Variants in MBD5 observed in about 807,000 individuals in gnomAD.
MBD5 encodes methyl-CpG binding domain protein 5.
Under a neutral mutation model 117.3 loss-of-function variants are expected in MBD5, and 13 were observed. The ratio of observed to expected loss-of-function variants is 0.11; its 90% CI spans 0.07 to 0.18. MBD5 has a LOEUF of 0.18. Ranked by LOEUF, MBD5 falls within the 10% of genes least tolerant of loss-of-function variation. MBD5 has a pLI of 1.00. For missense variants in MBD5, 1,879 were observed against 2,093.8 expected (o/e 0.90, Z 2.00); for synonymous variants, 727 against 766.4 (o/e 0.95, Z 0.85).
chr2:148,220,816 AC>A lies in MBD5; in HGVS notation c.-830-12428del, dbSNP rs1699668925. On this transcript the variant is annotated intron_variant, in intron 2 of 13. Transcript: ENST00000642680. ...AACAATTTTTACTTATTTTAAATAT[AC>A]AATTAAATTACTATCAACTATAGTC... 2.0e-5 allele frequency among the ~76,000 whole-genome samples: 3 copies of A among 152,216 alleles called. No individual in the cohort carries two copies. In the South Asian group the frequency reaches 6.2e-4, roughly 32 times the overall value.
At chr2:148,248,787 C>G (rs1002183093) in intron 3 of MBD5, among the ~76,000 whole-genome samples, 2 of 151,960 alleles carry the variant, frequency 1.3e-5, no homozygotes, top group Admixed American at 1.3e-4. Flanking sequence ...AAAAGATAGA[C>G]AGACTGACCA....
At chr2:148,108,047 A>C (rs1019545188) in intron 1 of MBD5, among the ~76,000 whole-genome samples, 1 of 152,076 alleles carries the variant, frequency 6.6e-6, no homozygotes, top group Non-Finnish European at 1.5e-5. Context: ...TGTGGTTACA[A>C]ATTCTCAGAG....
intron 4 of MBD5, among the ~76,000 whole-genome samples, chr2:148,404,459 T>A (rs1705017871): frequency 7.1e-6 from 1 of 140,530 alleles, no homozygotes; most frequent in African/African-American, 2.5e-5. Context: ...CTTCTATAGA[T>A]CCCTGCATTT....
chr2:148,368,041 G>A (rs1433303946), intron 4 of MBD5, among the ~76,000 whole-genome samples: 2 of 152,106 alleles, frequency 1.3e-5, no homozygotes, highest in African/African-American at 2.4e-5. Context: ...GTTTATTGCA[G>A]CATTATTCAC....
chr2:148,308,381 C>T (rs1701944651), intron 3 of MBD5, among the ~76,000 whole-genome samples: 1 of 151,506 alleles, frequency 6.6e-6, no homozygotes, highest in Non-Finnish European at 1.5e-5. Flanking sequence ...TTACATTTCT[C>T]TAATGACCAG....
Position 148,154,188 on chromosome 2 carries a change from G to A in MBD5, c.-924-24512G>A, listed in dbSNP as rs370709864. The stretch of plus-strand genomic sequence containing the variant: ...GACCCTCAGCTGCAGGTCTGTTGGA[G>A]TACCCTGCCGTGTGAGGTGTCAGTC... On this transcript the variant is annotated intron_variant, in intron 1 of 13. Coordinates refer to ENST00000642680, the MANE Select transcript of MBD5 (RefSeq NM_001378120.1). Among the ~76,000 whole-genome samples the A allele has an allele frequency of 1.5e-3, 232 of 150,148 alleles. 2 individuals are homozygous for A. In the East Asian group the frequency reaches 0.041, roughly 26 times the overall value.
intron 1 of MBD5, among the ~76,000 whole-genome samples, chr2:148,080,491 G>A (rs1026739106): frequency 6.6e-6 from 1 of 151,884 alleles, no homozygotes; most frequent in Non-Finnish European, 1.5e-5. Context: ...ATATAATAAT[G>A]CTTTTTTTAA....
chr2:148,151,575 C>G (rs935968314), intron 1 of MBD5, among the ~76,000 whole-genome samples: 1 of 152,154 alleles, frequency 6.6e-6, no homozygotes, highest in Non-Finnish European at 1.5e-5. Context: ...TGGTCCTAGA[C>G]TCTTTTTGGT....
chr2:148,472,160 A>C (rs1574464273), intron 8 of MBD5: 1 of 152,080 alleles, frequency 6.6e-6, no homozygotes, highest in African/African-American at 2.4e-5. Flanking sequence ...CTGATGGTCA[A>C]GTTTAGACTT....
chr2:148,286,193 T>A (rs1374839246), intron 3 of MBD5, among the ~76,000 whole-genome samples: 1 of 152,230 alleles, frequency 6.6e-6, no homozygotes, highest in African/African-American at 2.4e-5. Flanking sequence ...TACATGAACA[T>A]ATTTTCTTAC....
At chr2:148,232,210 G>A (rs1700004352) in intron 2 of MBD5, among the ~76,000 whole-genome samples, 1 of 152,222 alleles carries the variant, frequency 6.6e-6, no homozygotes, top group African/African-American at 2.4e-5. Context: ...AGAGTGATCA[G>A]ATAGGCTTTC....
chr2:148,358,154 A>G (rs1424924843), intron 4 of MBD5, among the ~76,000 whole-genome samples: 1 of 152,196 alleles, frequency 6.6e-6, no homozygotes, highest in Admixed American at 6.5e-5. Context: ...AGAAGTAAAA[A>G]CATGCGTGGT....
intron 3 of MBD5, among the ~76,000 whole-genome samples, chr2:148,338,630 G>A (rs1009380584): frequency 6.6e-6 from 1 of 152,150 alleles, no homozygotes; most frequent in Non-Finnish European, 1.5e-5. Context: ...GACAAAAAAG[G>A]GAAAGCAGAG....
chr2:148,287,155 TTTTC>T (rs1701386097), intron 3 of MBD5, among the ~76,000 whole-genome samples: 1 of 152,228 alleles, frequency 6.6e-6, no homozygotes, highest in African/African-American at 2.4e-5. Flanking sequence ...TCCTTGCTTA[TTTTC>T]TTTATTTCAC....
chr2:148,489,767 G>C lies in MBD5; in HGVS notation c.4135G>C (p.Gly1379Arg), dbSNP rs1559098890. Residue 1379 changes from glycine (G) to arginine (R), a missense_variant, in exon 11 of 14, where the codon GGA (glycine) becomes CGA (arginine). By Grantham distance (125) the Gly-to-Arg change is moderately radical. This residue lies in a region of MBD5 where 1,666 missense variants were observed against 1,792.2 expected (regional missense o/e 0.93). Transcript: ENST00000642680. Reference protein sequence around the residue: ...LSSAVSAVIHGRNMGGVDHDG... With the variant: ...LSSAVSAVIHRRNMGGVDHDG... The stretch of plus-strand genomic sequence containing the variant: ...CAGTGCTGTCAGTGCGGTCATTCAT[G>C]GACGGAACATGGGAGGTGTTGATCA... 1 of 1,614,148 alleles carries C rather than the reference G, an allele frequency of 6.2e-7. No individual in the cohort carries two copies. Among genetic ancestry groups the C allele is most frequent in the Non-Finnish European group, 8.5e-7 (1 of 1,180,028 alleles).
At chr2:148,320,686 A>G (rs1290910817) in intron 3 of MBD5, among the ~76,000 whole-genome samples, 1 of 151,992 alleles carries the variant, frequency 6.6e-6, no homozygotes, top group African/African-American at 2.4e-5. Context: ...TTACTGACTT[A>G]ATCTTGCTGT....
intron 4 of MBD5, among the ~76,000 whole-genome samples, chr2:148,394,608 C>G (rs1574376009): frequency 9.5e-6 from 1 of 105,056 alleles, no homozygotes; most frequent in African/African-American, 3.5e-5. Context: ...TGTCTTTTGT[C>G]TTTTTTTAGT....
At chr2:148,082,919 C>G (rs1360828291) in intron 1 of MBD5, among the ~76,000 whole-genome samples, 1 of 152,172 alleles carries the variant, frequency 6.6e-6, no homozygotes, top group Non-Finnish European at 1.5e-5. Context: ...GGTATCATCT[C>G]ATTGTCTTTC....
chr2:148,162,576 A>G (rs1698033420), intron 1 of MBD5, among the ~76,000 whole-genome samples: 1 of 152,208 alleles, frequency 6.6e-6, no homozygotes, highest in Non-Finnish European at 1.5e-5. Flanking sequence ...TTTGTGACAC[A>G]AAATTGTTAA....
Sources: allele counts gnomAD v4.1 joint callset (sites outside exome capture counted in the v4.1 genomes callset), GRCh38; gene constraint gnomAD v4.1.1; regional missense constraint gnomAD v4.1.1; transcripts MANE v1.5; gene names NCBI Gene and HGNC (gene_info 2026-07-23, HGNC 2026-07-21).